The following UGT3A1 variants were observed in gnomAD, a reference collection of about 807,000 sequenced individuals.
The protein encoded by UGT3A1 is UDP-glycosyltransferase 3A1.
A neutral mutation model predicts 37.6 loss-of-function variants in UGT3A1; 40 were observed. The ratio of observed to expected loss-of-function variants is 1.06; its 90% confidence interval spans 0.83 to 1.38. The LOEUF (loss-of-function observed/expected upper bound fraction) is 1.38, where lower values mean the gene tolerates loss of function less well. Ranked by LOEUF, UGT3A1 falls within the 40% of genes most tolerant of loss-of-function variation. The probability of loss-of-function intolerance (pLI) is 0.00; values close to 1 mark genes in which losing one functional copy is unlikely to be tolerated. For synonymous variants in UGT3A1, 256 were observed against 232.3 expected, an observed-to-expected ratio of 1.10 and a Z score of -0.93; for missense variants, 642 against 634.2, an observed-to-expected ratio of 1.01 and a Z score of -0.13.
intron 6 of UGT3A1, chr5:35,955,165 G>T (rs999269337): frequency 5.3e-6 from 1 of 186,918 alleles, no homozygotes; most frequent in African/African-American, 2.4e-5. Flanking sequence ...TGGGAGAGGA[G>T]GCTAGTTAGG....
chr5:35,982,388 C>G (rs1342643988), intron 2 of UGT3A1, among the ~76,000 whole-genome samples: 1 of 152,240 alleles, frequency 6.6e-6, no homozygotes, highest in African/African-American at 2.4e-5. Context: ...CTTGCAAGCC[C>G]ACCCCTTGCA....
intron 4 of UGT3A1, among the ~76,000 whole-genome samples, chr5:35,959,306 C>T (rs1472111478): frequency 6.6e-6 from 1 of 152,138 alleles, no homozygotes; most frequent in East Asian, 1.9e-4. Context: ...AAGAAATAGT[C>T]AAAATGCATA....
Position 35,955,648 on chromosome 5 carries a change from T to G in UGT3A1, c.1292A>C (p.Lys431Thr). 6.2e-7 allele frequency: 1 copy of G among 1,614,230 alleles called. No homozygotes were observed. The highest frequency in any genetic ancestry group is 8.5e-7 in the Non-Finnish European group (1 of 1,180,040). ...ACATGCTTAGAGAGCCACATACCTC[T>G]TGTCTTCTATGACTTGTTTCATTGT... ...TLTMKQVIED[K>T]RYKSAVVAAS... The change falls in exon 6 of 7, where the codon AAG becomes ACG. Residue 431 changes from lysine (K) to threonine (T), a missense_variant. Coordinates refer to ENST00000274278, the MANE Select transcript of UGT3A1 (RefSeq NM_152404.4).
intron 6 of UGT3A1, 66 bp downstream of exon 6, chr5:35,955,579 A>C (rs1739318937): frequency 2.6e-6 from 4 of 1,560,084 alleles, no homozygotes; most frequent in Non-Finnish European, 3.5e-6. Flanking sequence ...AAATACATAC[A>C]CAGTATCCCT....
At chr5:35,963,814 G>A (rs554255104) in intron 4 of UGT3A1, among the ~76,000 whole-genome samples, 6 of 152,182 alleles carry the variant, frequency 3.9e-5, no homozygotes, top group Non-Finnish European at 7.3e-5. Flanking sequence ...TACCGAGCTG[G>A]GAAGGGAGGG....
At position 35,955,631 on chromosome 5, in the gene UGT3A1, A is replaced by G; in HGVS notation, c.1295+14T>C. 1 of 1,614,096 alleles carries G rather than the reference A, an allele frequency of 6.2e-7. No individual in the cohort carries two copies. The highest frequency in any genetic ancestry group is 8.5e-7 in the Non-Finnish European group (1 of 1,179,926). The stretch of plus-strand genomic sequence containing the variant: ...ATTCAGCCTTAGTGACCACATGCTT[A>G]GAGAGCCACATACCTCTTGTCTTCT... On this transcript the variant is annotated intron_variant, in intron 6 of 6. Transcript: ENST00000274278.
intron 2 of UGT3A1, among the ~76,000 whole-genome samples, chr5:35,968,474 G>C (rs1739904408): frequency 2.0e-5 from 3 of 152,130 alleles, no homozygotes. Context: ...CACATAATGA[G>C]CTGTAGGGCT....
chr5:35,975,701 ATTT>A lies in UGT3A1; in HGVS notation c.197-7571_197-7569del, dbSNP rs1275960636. On this transcript the variant is annotated intron_variant, in intron 2 of 6. Transcript: ENST00000274278. ...TTTTTTTCATTTTATTTACTTATTT[ATTT>A]TTTTATTATACTTTAAGTTTTAGGT... is the stretch of plus-strand genomic sequence containing the variant. Among the ~76,000 whole-genome samples, 4 of 150,598 alleles carry A rather than the reference ATTT, an allele frequency of 2.7e-5. No homozygotes were observed. In the South Asian group the frequency reaches 8.4e-4, roughly 32 times the overall value.
intron 4 of UGT3A1, among the ~76,000 whole-genome samples, chr5:35,964,050 A>C (rs1739697344): frequency 6.6e-6 from 1 of 152,052 alleles, no homozygotes; most frequent in Non-Finnish European, 1.5e-5. Context: ...TAGTTGCACA[A>C]CAATATAAGT....
At chr5:35,965,315 G>A (rs1252597734) in intron 4 of UGT3A1, 71 bp downstream of exon 4, 1 of 1,545,160 alleles carries the variant, frequency 6.5e-7, no homozygotes, top group East Asian at 2.3e-5. Context: ...CCCACTGGCA[G>A]GTGGCAGCCA....
chr5:35,970,543 C>T (rs1739996266), intron 2 of UGT3A1, among the ~76,000 whole-genome samples: 2 of 152,150 alleles, frequency 1.3e-5, no homozygotes, highest in Non-Finnish European at 2.9e-5. Context: ...GGGACACAGC[C>T]AAACCATATC....
rs1739238938 is a variant in UGT3A1, at chr5:35,953,463, T to TTC, written c.*737_*738dup. On this transcript the variant is annotated 3_prime_UTR_variant, in exon 7 of 7. Coordinates refer to ENST00000274278, the MANE Select transcript of UGT3A1 (RefSeq NM_152404.4). ...ATGTCGGGGATGGAAGATGGACTTT[T>TTC]TCTAAAATCAACAAAGTCTTTAAAA... 1 of 152,362 alleles carries TTC rather than the reference T, an allele frequency of 6.6e-6. No homozygotes were observed. The highest frequency in any genetic ancestry group is 1.5e-5 in the Non-Finnish European group (1 of 68,054). The allele number at this position is 152,362 out of a possible 1,614,324, so 9.4% of individuals were successfully genotyped here.
chr5:35,958,419 T>C (rs966956343), intron 4 of UGT3A1, among the ~76,000 whole-genome samples: 4 of 152,340 alleles, frequency 2.6e-5, no homozygotes, highest in Admixed American at 2.0e-4. Flanking sequence ...TGGGTCATTG[T>C]GTAGGATAAC....
intron 2 of UGT3A1, among the ~76,000 whole-genome samples, chr5:35,983,583 G>A (rs1740614946): frequency 6.6e-6 from 1 of 151,786 alleles, no homozygotes; most frequent in African/African-American, 2.4e-5. Flanking sequence ...ATCAGACAAG[G>A]GCATAATAAG....
intron 1 of UGT3A1, 75 bp from the exon 2 acceptor site, chr5:35,988,626 G>A: frequency 8.7e-7 from 1 of 1,155,950 alleles, no homozygotes; most frequent in Admixed American, 2.2e-5. Context: ...TAGGCAGGAG[G>A]GAATGGAAAT....
Position 35,968,026 on chromosome 5 carries a change from C to T in UGT3A1, c.304G>A (p.Asp102Asn), listed in dbSNP as rs771386938. ...AGAATGAAAAGAAGTTACCTGCCAT[C>T]CAATGCTGTTTCTATGTAGCTATCA... Reference protein sequence around the residue: ...HFDSYIETALDGRKESEALVK... With the variant: ...HFDSYIETALNGRKESEALVK... The change falls in exon 3 of 7, where the codon GAT (aspartate) becomes AAT (asparagine). Residue 102 changes from aspartate to asparagine, a missense_variant. Asp to Asn is a conservative substitution (Grantham distance 23, BLOSUM62 1). Coordinates refer to ENST00000274278, the MANE Select transcript of UGT3A1 (RefSeq NM_152404.4). The T allele has an allele frequency of 1.2e-6, 2 of 1,611,042 alleles. No individual in the cohort carries two copies. The highest frequency in any genetic ancestry group is 1.7e-6 in the Non-Finnish European group (2 of 1,178,904).
At chr5:35,973,547 T>C (rs1740137456) in intron 2 of UGT3A1, among the ~76,000 whole-genome samples, 1 of 152,132 alleles carries the variant, frequency 6.6e-6, no homozygotes, top group Non-Finnish European at 1.5e-5. Flanking sequence ...ACCAGATCTG[T>C]CTTGGTACCC....
upstream of UGT3A1, chr5:35,991,508 C>A (rs1450837082): frequency 1.6e-6 from 2 of 1,251,994 alleles, no homozygotes; most frequent in African/African-American, 1.5e-5. Context: ...TGATCTGTAA[C>A]CTTTCTCTGC....
intron 2 of UGT3A1, among the ~76,000 whole-genome samples, chr5:35,974,492 G>A (rs1740181856): frequency 6.6e-6 from 1 of 152,134 alleles, no homozygotes; most frequent in Non-Finnish European, 1.5e-5. Context: ...AAAGACTAAT[G>A]CCACAATTAT....
Sources: gnomAD v4.1 joint callset for allele counts (sites outside exome capture counted in the v4.1 genomes callset) on GRCh38, gnomAD v4.1.1 for gene constraint, MANE v1.5 for transcripts, NCBI Gene and HGNC (gene_info 2026-07-23, HGNC 2026-07-21) for gene names.